BBS9: variants seen among roughly 807,000 people sequenced by gnomAD.
BBS9 encodes protein PTHB1.
BBS9 carries 89 observed loss-of-function variants against 117.7 expected under a neutral mutation model. That is an observed-to-expected ratio of 0.76 (90% CI 0.64 to 0.90). The LOEUF is 0.90. Among genes scored for constraint, BBS9 ranks in the 40% least tolerant of loss-of-function variants. The pLI, the probability that BBS9 is intolerant of heterozygous loss-of-function variation, is 0.00. For missense variants in BBS9, 982 were observed against 1,042.2 expected (o/e 0.94, Z 0.80); for synonymous variants, 379 against 370.9 (o/e 1.02, Z -0.25).
At chr7:33,366,543 C>CTTTTTTTTTTTTTTTT (rs70989948) in intron 16 of BBS9, among the ~76,000 whole-genome samples, 2 of 89,692 alleles carry the variant, frequency 2.2e-5, no homozygotes, top group Non-Finnish European at 4.1e-5. Context: ...TCTTTTCTTT[C>CTTTTTTTTTTTTTTTT]TTTTTTTTTT....
chr7:33,155,139 T>G (rs902805421), intron 3 of BBS9, among the ~76,000 whole-genome samples: 2 of 152,260 alleles, frequency 1.3e-5, no homozygotes, highest in African/African-American at 4.8e-5. Context: ...TGTAATAAAA[T>G]TTCAGATATG....
At chr7:33,487,338 A>G (rs749851243) in intron 19 of BBS9, among the ~76,000 whole-genome samples, 4 of 152,180 alleles carry the variant, frequency 2.6e-5, no homozygotes, top group Non-Finnish European at 5.9e-5. Flanking sequence ...TTTGGAGAAT[A>G]TTAATTAAGA....
chr7:33,313,541 A>C (rs1809782538), intron 9 of BBS9, among the ~76,000 whole-genome samples: 1 of 152,238 alleles, frequency 6.6e-6, no homozygotes, highest in Admixed American at 6.5e-5. Flanking sequence ...TTTCAAAAGA[A>C]CAGGGTAACC....
At chr7:33,577,988 A>G (rs1487545032) in intron 21 of BBS9, among the ~76,000 whole-genome samples, 1 of 152,230 alleles carries the variant, frequency 6.6e-6, no homozygotes, top group Non-Finnish European at 1.5e-5. Context: ...CCAACATGGC[A>G]CATGTATACC....
rs1799612557 is a variant in BBS9 at position 33,270,500 on chromosome 7, G to A, written c.703-2512G>A. Among the ~76,000 whole-genome samples, 5 of 152,120 alleles carry A rather than the reference G, an allele frequency of 3.3e-5. No homozygotes were observed. The South Asian group carries it at 1.0e-3, about 31-fold the overall frequency. ...GATACAAGAGCTGACAGACGAAATA[G>A]CCAGTATAGAAAGAACTTAACTGGA... is the stretch of plus-strand genomic sequence containing the variant. On this transcript the variant is annotated intron_variant, in intron 7 of 22. Transcript: ENST00000242067.
chr7:33,477,629 T>C (rs1051004415), intron 19 of BBS9, among the ~76,000 whole-genome samples: 1 of 152,238 alleles, frequency 6.6e-6, no homozygotes, highest in African/African-American at 2.4e-5. Context: ...CTAGAACTTT[T>C]AGAAGTTCAG....
rs559862204 is a variant in BBS9 at position 33,525,107 on chromosome 7, T to C, written c.2299-8847T>C. On this transcript the variant is annotated intron_variant, in intron 20 of 22. Coordinates refer to ENST00000242067, the MANE Select transcript of BBS9 (RefSeq NM_198428.3). ...GTTCTAGTTTGATTGCACTGTGGTCTGAGAGATAGTTTGTTATAAATTCTG... is the reference window on the plus strand; with the variant it reads ...GTTCTAGTTTGATTGCACTGTGGTCCGAGAGATAGTTTGTTATAAATTCTG... Among the ~76,000 whole-genome samples, 747 of 152,314 alleles carry C rather than the reference T, an allele frequency of 4.9e-3. 4 individuals are homozygous for C. The highest frequency in any genetic ancestry group is 0.017 in the African/African-American group (710 of 41,554).
intron 4 of BBS9, among the ~76,000 whole-genome samples, chr7:33,161,141 A>G (rs1426004996): frequency 6.6e-6 from 1 of 151,656 alleles, no homozygotes; most frequent in South Asian, 2.1e-4. Context: ...TTTTTATTAT[A>G]CTTTAAGTTC....
chr7:33,614,318 G>C (rs924568767), intron 21 of BBS9, among the ~76,000 whole-genome samples: 1 of 152,060 alleles, frequency 6.6e-6, no homozygotes, highest in Non-Finnish European at 1.5e-5. Flanking sequence ...CTTTACAGGT[G>C]AATCCTACTG....
chr7:33,224,786 AT>A (rs1283679242), intron 5 of BBS9, among the ~76,000 whole-genome samples: 1 of 152,032 alleles, frequency 6.6e-6, no homozygotes, highest in Non-Finnish European at 1.5e-5. Flanking sequence ...TTCAGGTTTG[AT>A]TTTTTTGGCA....
intron 9 of BBS9, among the ~76,000 whole-genome samples, chr7:33,322,512 C>T (rs1811949010): frequency 6.6e-6 from 1 of 151,708 alleles, no homozygotes; most frequent in South Asian, 2.1e-4. Flanking sequence ...TCTAGGTTTA[C>T]CAATTTATTG....
At chr7:33,339,151 T>C (rs1031705315) in intron 10 of BBS9, among the ~76,000 whole-genome samples, 1 of 152,196 alleles carries the variant, frequency 6.6e-6, no homozygotes, top group Non-Finnish European at 1.5e-5. Context: ...AGGGTTGGCT[T>C]GGCAGTTCCA....
At chr7:33,514,644 T>G (rs1278858248) in intron 20 of BBS9, among the ~76,000 whole-genome samples, 1 of 152,136 alleles carries the variant, frequency 6.6e-6, no homozygotes, top group Non-Finnish European at 1.5e-5. Flanking sequence ...ATAGAATAAG[T>G]TTTTTCTTCT....
At chr7:33,221,085 C>T (rs932155745) in intron 5 of BBS9, among the ~76,000 whole-genome samples, 1 of 152,200 alleles carries the variant, frequency 6.6e-6, no homozygotes, top group Non-Finnish European at 1.5e-5. Context: ...AAAGCCTATT[C>T]TGAGGCCCAG....
rs567763355 is a variant in BBS9 at position 33,333,357 on chromosome 7, T to G, written c.1017-3084T>G. On this transcript the variant is annotated intron_variant, in intron 9 of 22. Transcript: ENST00000242067. ...CACTTAGAATAATGGCCTCCTGCTC[T>G]ATCCAAGTTGCTGCAAAATACATTG... is the stretch of plus-strand genomic sequence containing the variant. Among the ~76,000 whole-genome samples the G allele has an allele frequency of 5.3e-5, 8 of 152,304 alleles. No homozygotes were observed. The East Asian group carries it at 1.5e-3, about 29-fold the overall frequency.
intron 1 of BBS9, among the ~76,000 whole-genome samples, chr7:33,140,275 C>G (rs1562659058): frequency 6.6e-6 from 1 of 152,180 alleles, no homozygotes; most frequent in Non-Finnish European, 1.5e-5. Flanking sequence ...CTGCCTGCCT[C>G]GGCCTCCCAA....
chr7:33,596,663 G>A lies in BBS9; in HGVS notation c.2522-8202G>A, dbSNP rs568058598. 9.2e-5 allele frequency among the ~76,000 whole-genome samples: 14 copies of A among 152,154 alleles called. No homozygotes were observed. The East Asian group carries it at 2.5e-3, about 27-fold the overall frequency. On this transcript the variant is annotated intron_variant, in intron 21 of 22. Transcript: ENST00000242067. ...CGCTATACCTCCTATTCTGGTTTAC[G>A]TTCTTCTTACTGCTAATATATTTTG... is the stretch of plus-strand genomic sequence containing the variant.
intron 5 of BBS9, among the ~76,000 whole-genome samples, chr7:33,221,908 T>C (rs899528463): frequency 1.6e-4 from 25 of 151,698 alleles, no homozygotes; most frequent in Middle Eastern, 6.8e-3. Context: ...TATATATATA[T>C]ACACACACAC....
intron 21 of BBS9, among the ~76,000 whole-genome samples, chr7:33,560,415 A>G (rs1855917978): frequency 6.6e-6 from 1 of 152,216 alleles, no homozygotes; most frequent in Non-Finnish European, 1.5e-5. Context: ...TGTTTAATGA[A>G]GGAACACAGT....
Sources: gnomAD v4.1 joint callset for allele counts (sites outside exome capture counted in the v4.1 genomes callset) on GRCh38, gnomAD v4.1.1 for gene constraint, MANE v1.5 for transcripts, NCBI Gene and HGNC (gene_info 2026-07-23, HGNC 2026-07-21) for gene names.